LNPEP: variants seen among roughly 807,000 people sequenced by gnomAD.
The protein encoded by LNPEP is leucyl-cystinyl aminopeptidase.
In LNPEP, 64 loss-of-function variants were observed where a neutral mutation model predicts 120.6. The observed-to-expected ratio is 0.53, with a 90% CI of 0.43 to 0.65. LNPEP has a LOEUF of 0.65. Ranked by LOEUF, LNPEP falls within the 30% of genes least tolerant of loss-of-function variation. LNPEP has a pLI of 0.00. For missense variants in LNPEP, 1,057 were observed against 1,200.0 expected (o/e 0.88, Z 1.76); for synonymous variants, 435 against 425.4 (o/e 1.02, Z -0.28).
chr5:96,956,157 G>A (rs972034760), intron 1 of LNPEP, among the ~76,000 whole-genome samples: 5 of 152,098 alleles, frequency 3.3e-5, no homozygotes, highest in Admixed American at 2.0e-4. Context: ...TTAGTGAGTG[G>A]TAAGAATACT....
chr5:97,019,583 C>T (rs545895620), intron 13 of LNPEP, among the ~76,000 whole-genome samples: 6 of 152,234 alleles, frequency 3.9e-5, no homozygotes, highest in East Asian at 1.9e-4. Flanking sequence ...CCCTGTAATT[C>T]GGTGGTGTAA....
chr5:96,986,510 C>A, intron 3 of LNPEP, 29 bp from the exon 4 acceptor site: 1 of 1,601,310 alleles, frequency 6.2e-7, no homozygotes, highest in Non-Finnish European at 8.5e-7. Flanking sequence ...CCTATAGTTA[C>A]AGAACTGTCT....
intron 8 of LNPEP, among the ~76,000 whole-genome samples, chr5:97,000,556 G>C (rs74788107): frequency 6.6e-6 from 1 of 152,078 alleles, no homozygotes; most frequent in Admixed American, 6.5e-5. Flanking sequence ...AGGTACCTTC[G>C]TGACTAGCCC....
chr5:96,986,438 T>C (rs1790245879), intron 3 of LNPEP, 101 bp from the exon 4 acceptor site: 2 of 1,177,366 alleles, frequency 1.7e-6, no homozygotes, highest in East Asian at 4.8e-5. Flanking sequence ...TGCTAGCATC[T>C]TTACCATTTA....
intron 11 of LNPEP, chr5:97,010,669 C>G: frequency 2.0e-6 from 2 of 985,142 alleles, no homozygotes; most frequent in Non-Finnish European, 2.4e-6. Flanking sequence ...TGTTAGATTA[C>G]TTCATCTGGG....
chr5:96,952,619 GT>G (rs749810028), intron 1 of LNPEP, among the ~76,000 whole-genome samples: 13 of 152,304 alleles, frequency 8.5e-5, no homozygotes, highest in Non-Finnish European at 1.9e-4. Flanking sequence ...CCTTGGTTAT[GT>G]GCGGATTCTA....
At chr5:96,939,737 A>G (rs1427723791) in intron 1 of LNPEP, among the ~76,000 whole-genome samples, 1 of 152,150 alleles carries the variant, frequency 6.6e-6, no homozygotes, top group Non-Finnish European at 1.5e-5. Context: ...TATCCAGTTG[A>G]AAGTATTTTT....
Position 96,954,770 on chromosome 5 carries a change from A to ATTT in LNPEP, c.19+18597_19+18598insTTT, listed in dbSNP as rs1789417391. Among the ~76,000 whole-genome samples, 29 of 29,484 alleles carry ATTT rather than the reference A, an allele frequency of 9.8e-4. 6 individuals carry two copies. Among genetic ancestry groups the ATTT allele is most frequent in the Non-Finnish European group, 1.8e-3 (26 of 14,342 alleles). 19.3% of individuals were successfully genotyped at this position (29,484 alleles called of 152,430 possible). On this transcript the variant is annotated intron_variant, in intron 1 of 17. Transcript: ENST00000231368. ...TACACATATATATATATATATATAT[A>ATTT]TATTTTTTTTTTTTTTTTTTTTTTT...
rs138875602 is a variant in LNPEP, at chr5:96,974,296, CAG to C, written c.20-4838_20-4837del. 2.7e-3 allele frequency among the ~76,000 whole-genome samples: 415 copies of C among 152,212 alleles called. 3 individuals carry two copies. Among genetic ancestry groups the C allele is most frequent in the African/African-American group, 9.6e-3 (399 of 41,524 alleles). ...CAGATGTCTTTGCTTGCACTTGTCA[CAG>C]AGAACATGAAGGCTCTCTGCTGTTT... On this transcript the variant is annotated intron_variant, in intron 1 of 17. Transcript: ENST00000231368.
chr5:96,940,259 G>A (rs1201150297), intron 1 of LNPEP, among the ~76,000 whole-genome samples: 1 of 152,036 alleles, frequency 6.6e-6, no homozygotes, highest in Non-Finnish European at 1.5e-5. Context: ...CTTATAACCG[G>A]TGATTATCAT....
intron 13 of LNPEP, among the ~76,000 whole-genome samples, chr5:97,020,645 C>CA (rs1190341265): frequency 6.6e-6 from 1 of 151,780 alleles, no homozygotes; most frequent in African/African-American, 2.4e-5. Context: ...ACTAAAAATA[C>CA]AAAAAAATTA....
rs756607046 is a variant in LNPEP at position 97,022,455 on chromosome 5, T to C, written c.2532T>C (p.Asp844=). The C allele has an allele frequency of 1.2e-6, 2 of 1,614,066 alleles. No individual in the cohort carries two copies. The highest frequency in any genetic ancestry group is 4.5e-5 in the East Asian group (2 of 44,870). Residue 844 remains aspartate, a synonymous_variant, in exon 14 of 18, where the codon GAT becomes GAC. Coordinates refer to ENST00000231368, the MANE Select transcript of LNPEP (RefSeq NM_005575.3). ...CTACTACTGCCATGAAACTGTTTGATGACTGGATGGCATCCAATGGAACTC... is the reference window on the plus strand; with the variant it reads ...CTACTACTGCCATGAAACTGTTTGACGACTGGATGGCATCCAATGGAACTC... The part of the protein sequence containing the change: ...NCSTTAMKLF[D]DWMASNGTQS...
chr5:96,962,855 A>G (rs1789638641), intron 1 of LNPEP: 1 of 151,208 alleles, frequency 6.6e-6, no homozygotes, highest in Non-Finnish European at 1.5e-5. Flanking sequence ...GCTTTTATCA[A>G]CATTGTCAGT....
In LNPEP at chr5:96,981,892, C is replaced by G. The variant is rs564623246; in HGVS notation, c.860+1914C>G. 5.9e-5 allele frequency among the ~76,000 whole-genome samples: 9 copies of G among 152,210 alleles called. No homozygotes were observed. In the South Asian group the frequency reaches 1.9e-3, roughly 32 times the overall value. On this transcript the variant is annotated intron_variant, in intron 2 of 17. Transcript: ENST00000231368. ...GATGTGTTTCAGCAGTTCCTCGTTT[C>G]TAACAGAATTTAATTCAAGACCGTT...
chr5:96,958,337 G>A (rs1197214399), intron 1 of LNPEP: 1 of 323,276 alleles, frequency 3.1e-6, no homozygotes, highest in Non-Finnish European at 4.4e-6. Flanking sequence ...AGTTTTTCCA[G>A]TGATTTCAGC....
chr5:96,988,687 G>A (rs932750078), intron 4 of LNPEP, among the ~76,000 whole-genome samples: 4 of 152,100 alleles, frequency 2.6e-5, no homozygotes, highest in East Asian at 1.9e-4. Flanking sequence ...ATAGCTCACC[G>A]TAACATTAAA....
intron 1 of LNPEP, among the ~76,000 whole-genome samples, chr5:96,977,523 G>A (rs13167632): frequency 6.6e-6 from 1 of 152,098 alleles, no homozygotes; most frequent in African/African-American, 2.4e-5. Flanking sequence ...TTAAGTGCAC[G>A]TGAGCACCCG....
At chr5:96,961,785 CTGTATTAT>C (rs1287685225) in intron 1 of LNPEP, among the ~76,000 whole-genome samples, 1 of 151,962 alleles carries the variant, frequency 6.6e-6, no homozygotes. Context: ...GTAAATTATA[CTGTATTAT>C]ATTATTATTT....
chr5:96,969,639 A>G (rs1789813110), intron 1 of LNPEP, among the ~76,000 whole-genome samples: 1 of 152,030 alleles, frequency 6.6e-6, no homozygotes, highest in Non-Finnish European at 1.5e-5. Flanking sequence ...TTCTAGGAGA[A>G]TATGAGTTAG....
Sources: allele counts gnomAD v4.1 joint callset (sites outside exome capture counted in the v4.1 genomes callset), GRCh38; gene constraint gnomAD v4.1.1; transcripts MANE v1.5; gene names NCBI Gene and HGNC (gene_info 2026-07-23, HGNC 2026-07-21).